Variants in PRCP observed in about 807,000 individuals in gnomAD.
The protein encoded by PRCP is prolylcarboxypeptidase.
Under a neutral mutation model 54.2 loss-of-function variants are expected in PRCP, and 46 were observed. That is an observed-to-expected ratio of 0.85 (90% CI 0.67 to 1.09). The LOEUF is 1.09. Among genes scored for constraint, PRCP ranks in the 50% least tolerant of loss-of-function variants. The pLI, the probability that PRCP is intolerant of heterozygous loss-of-function variation, is 0.00. For synonymous variants in PRCP, 240 were observed against 212.2 expected (o/e 1.13, Z -1.14); for missense variants, 613 against 596.8 (o/e 1.03, Z -0.28).
At chr11:82,861,534 C>A (rs1200847556) in intron 1 of PRCP, among the ~76,000 whole-genome samples, 1 of 152,098 alleles carries the variant, frequency 6.6e-6, no homozygotes, top group East Asian at 1.9e-4. Flanking sequence ...GTAGAGCACG[C>A]AGGGATTATG....
intron 1 of PRCP, among the ~76,000 whole-genome samples, chr11:82,899,301 C>T (rs1020428149): frequency 2.6e-5 from 4 of 152,196 alleles, no homozygotes; most frequent in Non-Finnish European, 5.9e-5. Flanking sequence ...TCTCATTCAA[C>T]CATCACCACA....
At chr11:82,840,659 T>G (rs1217019935) in intron 6 of PRCP, 1 of 152,134 alleles carries the variant, frequency 6.6e-6, no homozygotes, top group Non-Finnish European at 1.5e-5. Context: ...TAACAGGCAA[T>G]GGAATCATAG....
intron 1 of PRCP, among the ~76,000 whole-genome samples, chr11:82,864,404 G>C (rs1196195473): frequency 2.0e-5 from 3 of 152,194 alleles, no homozygotes; most frequent in African/African-American, 4.8e-5. Flanking sequence ...TGAGAAGTGG[G>C]ACCCACGTGC....
At chr11:82,831,661 C>T (rs2121066120) in intron 8 of PRCP, among the ~76,000 whole-genome samples, 1 of 152,204 alleles carries the variant, frequency 6.6e-6, no homozygotes, top group Non-Finnish European at 1.5e-5. Flanking sequence ...GTGAGGCAGC[C>T]TAAGGAGAGG....
intron 8 of PRCP, chr11:82,831,426 C>T (rs1247070133): frequency 1.3e-5 from 2 of 152,216 alleles, no homozygotes; most frequent in Non-Finnish European, 2.9e-5. Context: ...ATCTCTGTTG[C>T]TTACTTCCAC....
intron 1 of PRCP, among the ~76,000 whole-genome samples, chr11:82,888,956 T>C (rs1005588555): frequency 1.3e-5 from 2 of 152,150 alleles, no homozygotes; most frequent in African/African-American, 4.8e-5. Flanking sequence ...GCTTTAAATG[T>C]AGAATAAGAG....
chr11:82,883,620 GGTCA>G (rs1254474380), intron 1 of PRCP, among the ~76,000 whole-genome samples: 6 of 152,086 alleles, frequency 3.9e-5, no homozygotes, highest in Non-Finnish European at 7.4e-5. Context: ...GGAAGGCAGG[GGTCA>G]GTCAGTTTGG....
rs1565230944 is a variant in PRCP, at chr11:82,873,083, A to ATTTTT, written c.169-12967_169-12966insAAAAA. Among the ~76,000 whole-genome samples, 567 of 134,856 alleles carry ATTTTT rather than the reference A, an allele frequency of 4.2e-3. 2 individuals are homozygous for ATTTTT. The highest frequency in any genetic ancestry group is 0.014 in the African/African-American group (516 of 36,572). 88.5% of individuals were successfully genotyped at this position (134,856 alleles called of 152,430 possible). A position where few individuals can be genotyped will look rare whatever the true frequency, so the allele number is the denominator to read the frequency against. On this transcript the variant is annotated intron_variant, in intron 1 of 8. Transcript: ENST00000313010. ...TCTGATCTGTTTTTTTTTTTTTAAA[A>ATTTTT]AAAAAGAAAGTAAGAAGAATAAGTA...
chr11:82,865,205 C>T (rs1223158600), intron 1 of PRCP, among the ~76,000 whole-genome samples: 2 of 152,134 alleles, frequency 1.3e-5, no homozygotes, highest in Non-Finnish European at 2.9e-5. Context: ...GTGCTTTTAA[C>T]CCCTACCCAA....
chr11:82,858,064 G>A (rs1347728917), intron 2 of PRCP, among the ~76,000 whole-genome samples: 1 of 152,188 alleles, frequency 6.6e-6, no homozygotes, highest in Non-Finnish European at 1.5e-5. Flanking sequence ...GGCTTTGAGA[G>A]GAGGCAATTT....
intron 1 of PRCP, chr11:82,884,989 T>A: frequency 6.8e-7 from 1 of 1,465,510 alleles, no homozygotes. Flanking sequence ...CTCAATATTG[T>A]CATGTGAAAG....
At chr11:82,897,258 T>A (rs1480886969) in intron 1 of PRCP, among the ~76,000 whole-genome samples, 1 of 152,064 alleles carries the variant, frequency 6.6e-6, no homozygotes, top group Admixed American at 6.5e-5. Context: ...GAGGAAAAAA[T>A]AATTAGTAAA....
intron 1 of PRCP, among the ~76,000 whole-genome samples, chr11:82,877,726 G>T (rs577024786): frequency 3.9e-5 from 6 of 152,364 alleles, no homozygotes; most frequent in East Asian, 3.9e-4. Context: ...GCAAAAGTTT[G>T]CTGCAGGGGT....
intron 1 of PRCP, among the ~76,000 whole-genome samples, chr11:82,879,344 T>C (rs1019421433): frequency 6.6e-6 from 1 of 152,256 alleles, no homozygotes; most frequent in Admixed American, 6.5e-5. Context: ...TGTGCATGCA[T>C]CACGTAGTTC....
intron 1 of PRCP, among the ~76,000 whole-genome samples, chr11:82,887,871 G>A: frequency 6.6e-6 from 1 of 152,148 alleles, no homozygotes; most frequent in Non-Finnish European, 1.5e-5. Flanking sequence ...GCCACACAGA[G>A]ACCAAGAAGA....
intron 8 of PRCP, chr11:82,829,122 C>T (rs1417942439): frequency 6.6e-6 from 1 of 152,174 alleles, no homozygotes; most frequent in African/African-American, 2.4e-5. Flanking sequence ...ACTGATCTTC[C>T]TGCCTCTACT....
chr11:82,839,478 G>C (rs1295132750), intron 6 of PRCP, 53 bp from the exon 7 acceptor site: 1 of 1,512,400 alleles, frequency 6.6e-7, no homozygotes, highest in African/African-American at 1.4e-5. Flanking sequence ...AATATAAAAT[G>C]ACAGTTTAAT....
chr11:82,846,391 T>A (rs1428727846), intron 6 of PRCP, among the ~76,000 whole-genome samples: 1 of 151,910 alleles, frequency 6.6e-6, no homozygotes, highest in Non-Finnish European at 1.5e-5. Flanking sequence ...GATGGGTAAC[T>A]AACTATAGGA....
intron 1 of PRCP, among the ~76,000 whole-genome samples, chr11:82,875,250 A>G (rs1409054278): frequency 6.6e-6 from 1 of 152,218 alleles, no homozygotes; most frequent in Non-Finnish European, 1.5e-5. Flanking sequence ...AGTGCAAAAC[A>G]CAATGTGCAC....
Sources: allele counts gnomAD v4.1 joint callset (sites outside exome capture counted in the v4.1 genomes callset), GRCh38; gene constraint gnomAD v4.1.1; transcripts MANE v1.5; gene names NCBI Gene and HGNC (gene_info 2026-07-23, HGNC 2026-07-21).